The following CHST9 variants were observed in gnomAD, a reference collection of about 807,000 sequenced individuals.
The protein encoded by CHST9 is carbohydrate sulfotransferase 9, also known as GalNAc-4-sulfotransferase 2.
CHST9 carries 41 observed loss-of-function variants against 44.4 expected under a neutral mutation model. The ratio of observed to expected loss-of-function variants is 0.92; its 90% CI spans 0.72 to 1.20. The LOEUF is 1.20. Among genes scored for constraint, CHST9 ranks in the 50% most tolerant of loss-of-function variants. CHST9 has a pLI of 0.00. For missense variants in CHST9, 504 were observed against 516.5 expected (o/e 0.98, Z 0.23); for synonymous variants, 171 against 178.4 (o/e 0.96, Z 0.33).
At chr18:27,010,944 G>A (rs547339269) in intron 4 of CHST9, among the ~76,000 whole-genome samples, 2 of 152,228 alleles carry the variant, frequency 1.3e-5, no homozygotes, top group East Asian at 3.9e-4. Context: ...ACCAGCCTCT[G>A]GTAGGCAGTG....
chr18:26,932,069 G>A (rs2055888484), intron 5 of CHST9, among the ~76,000 whole-genome samples: 1 of 152,126 alleles, frequency 6.6e-6, no homozygotes, highest in African/African-American at 2.4e-5. Context: ...ATGTGCCGGA[G>A]TCAACTCTAG....
intron 2 of CHST9, among the ~76,000 whole-genome samples, chr18:27,102,438 G>A (rs1403706993): frequency 6.6e-6 from 1 of 152,062 alleles, no homozygotes; most frequent in African/African-American, 2.4e-5. Context: ...TTGGTCTAGT[G>A]GCGCAAACTA....
At chr18:27,010,567 G>A (rs1382103380) in intron 4 of CHST9, among the ~76,000 whole-genome samples, 1 of 152,082 alleles carries the variant, frequency 6.6e-6, no homozygotes, top group African/African-American at 2.4e-5. Context: ...CTTCCTGTGG[G>A]GCTGTGGATG....
chr18:27,088,886 GC>G, intron 2 of CHST9, among the ~76,000 whole-genome samples: 1 of 152,224 alleles, frequency 6.6e-6, no homozygotes, highest in Middle Eastern at 3.4e-3. Flanking sequence ...CCTACAGAAT[GC>G]CCAGGTCAAT....
chr18:26,960,134 C>T (rs2056380697), intron 4 of CHST9, among the ~76,000 whole-genome samples: 1 of 152,030 alleles, frequency 6.6e-6, no homozygotes, highest in African/African-American at 2.4e-5. Context: ...GTTTAAAATA[C>T]CAGTAAAACA....
rs112985524 is a variant in CHST9 at position 27,163,519 on chromosome 18, G to A, written c.-96-20614C>T. Among the ~76,000 whole-genome samples the A allele has an allele frequency of 6.2e-3, 938 of 152,280 alleles. 6 individuals are homozygous for A. The highest frequency in any genetic ancestry group is 0.011 in the Non-Finnish European group (764 of 68,008). On this transcript the variant is annotated intron_variant, in intron 1 of 5. Coordinates refer to ENST00000618847, the MANE Select transcript of CHST9 (RefSeq NM_031422.6). ...TACTCAAGCCTCCGCAATGGCGGGC[G>A]CCCCTCTCCCAGCCTCACTGCCGCC... is the stretch of plus-strand genomic sequence containing the variant.
intron 1 of CHST9, among the ~76,000 whole-genome samples, chr18:27,181,675 T>C (rs1250180783): frequency 1.3e-5 from 2 of 152,224 alleles, no homozygotes; most frequent in Admixed American, 1.3e-4. Context: ...CAACCTATTA[T>C]CACTTCTTAA....
chr18:27,045,062 C>A (rs570057140), intron 3 of CHST9, among the ~76,000 whole-genome samples: 196 of 146,436 alleles, frequency 1.3e-3, no homozygotes, highest in East Asian at 3.2e-3. Flanking sequence ...AAAAAAAAAA[C>A]CATTGTTCCT....
At chr18:27,090,166 T>G (rs12969936) in intron 2 of CHST9, among the ~76,000 whole-genome samples, 2 of 151,958 alleles carry the variant, frequency 1.3e-5, no homozygotes, top group Non-Finnish European at 2.9e-5. Context: ...TATCTCATTG[T>G]GGTTTTGATT....
At chr18:27,102,275 A>C (rs10853670) in intron 2 of CHST9, among the ~76,000 whole-genome samples, 51,268 of 152,074 alleles carry the variant, frequency 0.34, 8,983 homozygotes, top group East Asian at 0.5. Context: ...TTTAGGGTAA[A>C]TGTAAGTAAG....
chr18:27,072,450 A>C (rs767909899), intron 2 of CHST9, among the ~76,000 whole-genome samples: 7 of 152,090 alleles, frequency 4.6e-5, no homozygotes, highest in Non-Finnish European at 8.8e-5. Context: ...TTTCCTTAGC[A>C]ACTTCTTGGC....
rs1483565670 is a variant in CHST9 at position 27,139,141 on chromosome 18, A to G, written c.121+3548T>C. Reference sequence around the variant, plus strand: ...GGATTCTAAAGTATTTTATTTTAATACGAAAAACCCAAGAAAACCAGGGAG... The same window carrying G: ...GGATTCTAAAGTATTTTATTTTAATGCGAAAAACCCAAGAAAACCAGGGAG... On this transcript the variant is annotated intron_variant, in intron 2 of 5. Coordinates refer to ENST00000618847, the MANE Select transcript of CHST9 (RefSeq NM_031422.6). Among the ~76,000 whole-genome samples, 28 of 152,172 alleles carry G rather than the reference A, an allele frequency of 1.8e-4. 1 individual carries two copies. The highest frequency in any genetic ancestry group is 4.1e-4 in the Non-Finnish European group (28 of 68,026).
At chr18:26,981,646 G>A (rs758276243) in intron 4 of CHST9, among the ~76,000 whole-genome samples, 8 of 152,180 alleles carry the variant, frequency 5.3e-5, no homozygotes, top group Non-Finnish European at 8.8e-5. Flanking sequence ...TATGATTTCT[G>A]TGGGTAATTA....
chr18:27,061,862 G>A (rs976660662), intron 2 of CHST9, among the ~76,000 whole-genome samples: 1 of 152,182 alleles, frequency 6.6e-6, no homozygotes, highest in Middle Eastern at 3.2e-3. Context: ...GAATTCAGAA[G>A]TAATTAGACT....
chr18:27,009,155 G>C (rs1371287482), intron 4 of CHST9, among the ~76,000 whole-genome samples: 1 of 152,142 alleles, frequency 6.6e-6, no homozygotes, highest in Non-Finnish European at 1.5e-5. Context: ...CTCGGATTCA[G>C]TCATGGAATC....
At chr18:27,162,726 G>A (rs1423233539) in intron 1 of CHST9, among the ~76,000 whole-genome samples, 5 of 151,816 alleles carry the variant, frequency 3.3e-5, no homozygotes, top group African/African-American at 4.8e-5. Context: ...ATTTTTTTTC[G>A]AGGTTTTTAA....
intron 3 of CHST9, among the ~76,000 whole-genome samples, chr18:27,041,728 C>A (rs531824037): frequency 6.6e-6 from 1 of 152,044 alleles, no homozygotes; most frequent in South Asian, 2.1e-4. Flanking sequence ...CAGTGTTACA[C>A]GATAAAATTT....
chr18:27,125,016 G>GT (rs1314401584), intron 2 of CHST9, among the ~76,000 whole-genome samples: 2 of 152,242 alleles, frequency 1.3e-5, no homozygotes, highest in South Asian at 2.1e-4. Context: ...CTGCTACTCG[G>GT]TTTATTCCTG....
At chr18:27,011,236 T>C (rs1175743) in intron 4 of CHST9, among the ~76,000 whole-genome samples, 53,206 of 152,086 alleles carry the variant, frequency 0.35, 9,912 homozygotes, top group East Asian at 0.46. Flanking sequence ...TATTTAAATT[T>C]CTATAATAAA....
Sources: allele counts gnomAD v4.1 joint callset (sites outside exome capture counted in the v4.1 genomes callset), GRCh38; gene constraint gnomAD v4.1.1; transcripts MANE v1.5; gene names NCBI Gene and HGNC (gene_info 2026-07-23, HGNC 2026-07-21).